Variants in TSTD2 observed in about 807,000 individuals in gnomAD.
TSTD2 encodes thiosulfate sulfurtransferase like domain containing 2, also known as thiosulfate sulfurtransferase/rhodanese-like domain-containing protein 2.
TSTD2 carries 37 observed loss-of-function variants against 47.9 expected under a neutral mutation model. The observed-to-expected ratio is 0.77, with a 90% CI of 0.59 to 1.02. The LOEUF (loss-of-function observed/expected upper bound fraction) is 1.02, where lower values mean the gene tolerates loss of function less well. Among genes scored for constraint, TSTD2 ranks in the 50% least tolerant of loss-of-function variants. The pLI is 0.00. For missense variants in TSTD2, 586 were observed against 616.0 expected (o/e 0.95, Z 0.52); for synonymous variants, 201 against 215.9 (o/e 0.93, Z 0.61).
rs1000211480 is a variant in TSTD2, at chr9:97,601,814, G to C, written c.*655C>G. ...TTCAACCATACAGGTTGAAAATACA[G>C]TATTGGCAGGGGGCGAAACCTGCGT... is the stretch of plus-strand genomic sequence containing the variant. On this transcript the variant is annotated 3_prime_UTR_variant, in exon 10 of 10. Transcript: ENST00000341170. 5 of 158,972 alleles carry C rather than the reference G, an allele frequency of 3.1e-5. No homozygotes were observed. The highest frequency in any genetic ancestry group is 6.7e-5 in the Non-Finnish European group (5 of 74,244). The allele number at this position is 158,972 out of a possible 1,614,324, so 9.8% of individuals were successfully genotyped here. A position where few individuals can be genotyped will look rare whatever the true frequency, so the allele number is the denominator to read the frequency against.
intron 9 of TSTD2, among the ~76,000 whole-genome samples, chr9:97,603,508 T>C (rs958243201): frequency 6.6e-6 from 1 of 152,132 alleles, no homozygotes; most frequent in African/African-American, 2.4e-5. Context: ...CCAAAACAGA[T>C]CGAAGTAGTG....
chr9:97,608,639 A>C (rs543756985), intron 6 of TSTD2, among the ~76,000 whole-genome samples: 126 of 152,324 alleles, frequency 8.3e-4, no homozygotes, highest in African/African-American at 2.9e-3. Flanking sequence ...GTCTCAAAAA[A>C]AGAAAAAGAG....
chr9:97,633,324 C>T lies in TSTD2; in HGVS notation c.-132G>A, dbSNP rs1826877811. ...ATTGTCACTGCTCACCGCCCTCGAG[C>T]CTATTCCCCCGCCGCGTATTTGGGT... On this transcript the variant is annotated 5_prime_UTR_variant, in exon 1 of 10. Coordinates refer to ENST00000341170, the MANE Select transcript of TSTD2 (RefSeq NM_139246.5). The T allele has an allele frequency of 3.0e-6, 1 of 336,882 alleles. No individual in the cohort carries two copies. Among genetic ancestry groups the T allele is most frequent in the Non-Finnish European group, 5.4e-6 (1 of 186,888 alleles). 20.9% of individuals were successfully genotyped at this position (336,882 alleles called of 1,614,324 possible). A position where few individuals can be genotyped will look rare whatever the true frequency, so the allele number is the denominator to read the frequency against.
At chr9:97,608,863 C>T (rs991831771) in intron 6 of TSTD2, among the ~76,000 whole-genome samples, 5 of 152,172 alleles carry the variant, frequency 3.3e-5, no homozygotes, top group Admixed American at 2.0e-4. Flanking sequence ...CCCGTTTCCC[C>T]CTGGCTTCAC....
At chr9:97,608,509 A>G (rs952794668) in intron 6 of TSTD2, among the ~76,000 whole-genome samples, 3 of 151,316 alleles carry the variant, frequency 2.0e-5, no homozygotes, top group Non-Finnish European at 3.0e-5. Flanking sequence ...GGTGGCGCAC[A>G]CTTGTAATCC....
In TSTD2 at chr9:97,604,806, A is replaced by G. The variant is rs1466072669; in HGVS notation, c.1173T>C (p.Phe391=). 7.4e-6 allele frequency: 12 copies of G among 1,614,234 alleles called. No individual in the cohort carries two copies. The highest frequency in any genetic ancestry group is 1.0e-5 in the Non-Finnish European group (12 of 1,180,034). ...KGGIHKYLEE[F]PDGFYKGKLF... ...ACTTCCCTTTGTAAAAGCCATCAGG[A>G]AACTCTTCCAGGTACTTGTGGATGC... The change falls in exon 9 of 10, where the codon TTT becomes TTC. Residue 391 remains phenylalanine (F), a synonymous_variant. Transcript: ENST00000341170.
At chr9:97,605,437 G>A (rs770485299) in intron 8 of TSTD2, 46 bp downstream of exon 8, 4 of 1,606,102 alleles carry the variant, frequency 2.5e-6, no homozygotes, top group Admixed American at 3.3e-5. Flanking sequence ...TGGTGGAGCT[G>A]CCTCCTTCAC....
At chr9:97,608,070 C>T (rs1216842865) in intron 6 of TSTD2, among the ~76,000 whole-genome samples, 3 of 152,148 alleles carry the variant, frequency 2.0e-5, no homozygotes, top group Non-Finnish European at 4.4e-5. Context: ...GTAGTCCCAG[C>T]TACTCGGGAG....
Position 97,605,594 on chromosome 9 carries a change from GTAACTGAAT to G in TSTD2, c.993_1001del (p.Lys331_Tyr334delinsAsn). On this transcript the variant is annotated inframe_deletion, in exon 8 of 10. Coordinates refer to ENST00000341170, the MANE Select transcript of TSTD2 (RefSeq NM_139246.5). ...GATTTTTGTCAACGTAGCTAGGGAA[GTAACTGAAT>G]TTCCTGATGTCTGGGGCTAAGCAGC... 6.2e-7 allele frequency: 1 copy of G among 1,614,234 alleles called. No homozygotes were observed. Among genetic ancestry groups the G allele is most frequent in the Non-Finnish European group, 8.5e-7 (1 of 1,180,042 alleles).
Position 97,633,346 on chromosome 9 carries a change from G to C in TSTD2, c.-154C>G, listed in dbSNP as rs1826878943. On this transcript the variant is annotated 5_prime_UTR_variant, in exon 1 of 10. Transcript: ENST00000341170. ...GAGCCTATTCCCCCGCCGCGTATTTGGGTAGAAAAGCTCGCTCGTGACGTC... is the reference window on the plus strand; with the variant it reads ...GAGCCTATTCCCCCGCCGCGTATTTCGGTAGAAAAGCTCGCTCGTGACGTC... 1 of 365,510 alleles carries C rather than the reference G, an allele frequency of 2.7e-6. No individual in the cohort carries two copies. Among genetic ancestry groups the C allele is most frequent in the Non-Finnish European group, 4.9e-6 (1 of 205,030 alleles). 22.6% of individuals were successfully genotyped at this position (365,510 alleles called of 1,614,324 possible).
chr9:97,601,656 T>C lies in TSTD2; in HGVS notation c.*813A>G. 1 of 850,338 alleles carries C rather than the reference T, an allele frequency of 1.2e-6. No homozygotes were observed. Among genetic ancestry groups the C allele is most frequent in the Non-Finnish European group, 1.4e-6 (1 of 706,136 alleles). 52.7% of individuals were successfully genotyped at this position (850,338 alleles called of 1,614,324 possible). The stretch of plus-strand genomic sequence containing the variant: ...ATTTCCGATTTTGCAGGCCACATAG[T>C]GTCTGTTGCAACTATTCAACTCTGC... On this transcript the variant is annotated 3_prime_UTR_variant, in exon 10 of 10. Transcript: ENST00000341170.
At chr9:97,611,440 A>G (rs1192924383) in intron 5 of TSTD2, 134 bp downstream of exon 5, 2 of 1,092,712 alleles carry the variant, frequency 1.8e-6, no homozygotes, top group Admixed American at 5.9e-5. Context: ...AAAACTCCCC[A>G]AGCCCCAAAA....
In TSTD2 at chr9:97,627,574, G is replaced by A. The variant is rs751531661; in HGVS notation, c.-12C>T. The A allele has an allele frequency of 1.3e-5, 21 of 1,587,672 alleles. No individual in the cohort carries two copies. Among genetic ancestry groups the A allele is most frequent in the Non-Finnish European group, 1.8e-5 (21 of 1,163,602 alleles). On this transcript the variant is annotated 5_prime_UTR_variant, in exon 2 of 10. Transcript: ENST00000341170. ...GTGGAAGAAGGCATCTGGTTTGGTT[G>A]CAACAGTGAAGCAGATATTCCTTTC...
Position 97,625,566 on chromosome 9 carries a change from C to T in TSTD2, c.482+115G>A, listed in dbSNP as rs189525495. 1.0e-4 allele frequency: 100 copies of T among 995,950 alleles called. 1 individual carries two copies. The East Asian group carries it at 2.4e-3, about 24-fold the overall frequency. The allele number at this position is 995,950 out of a possible 1,614,324, so 61.7% of individuals were successfully genotyped here. ...CCAGTTGTTCCACATCCTCATTTCA[C>T]ATTTGACACAGTTGGTCTTTCTCAC... On this transcript the variant is annotated intron_variant, in intron 3 of 9. Transcript: ENST00000341170.
intron 3 of TSTD2, 125 bp downstream of exon 3, chr9:97,625,556 C>T (rs1826704995): frequency 1.1e-6 from 1 of 910,288 alleles, no homozygotes; most frequent in South Asian, 1.7e-5. Flanking sequence ...TGTTCCACAT[C>T]CTCATTTCAC....
intron 1 of TSTD2, among the ~76,000 whole-genome samples, chr9:97,632,549 A>ATTTTT (rs36004486): frequency 4.1e-5 from 6 of 147,208 alleles, no homozygotes; most frequent in African/African-American, 7.5e-5. Context: ...GGCTCAGCTA[A>ATTTTT]TTTTTTTTTT....
At chr9:97,604,637 C>T (rs935351203) in intron 9 of TSTD2, 90 bp downstream of exon 9, 139 of 1,569,880 alleles carry the variant, frequency 8.9e-5, no homozygotes, top group Non-Finnish European at 1.1e-4. Context: ...GTAATGAGCA[C>T]TGGCCTGTCT....
chr9:97,602,994 A>G (rs760265514), intron 9 of TSTD2: 7 of 450,422 alleles, frequency 1.6e-5, no homozygotes, highest in Non-Finnish European at 2.8e-5. Flanking sequence ...TCCAGTATTT[A>G]CTGACTTTTT....
At chr9:97,602,999 C>A (rs920907615) in intron 9 of TSTD2, 9 of 426,982 alleles carry the variant, frequency 2.1e-5, no homozygotes, top group Middle Eastern at 5.9e-4. Context: ...TATTTACTGA[C>A]TTTTTTTTTC....
Sources: allele counts gnomAD v4.1 joint callset (sites outside exome capture counted in the v4.1 genomes callset), GRCh38; gene constraint gnomAD v4.1.1; transcripts MANE v1.5; gene names NCBI Gene and HGNC (gene_info 2026-07-23, HGNC 2026-07-21).